The following ATAD2 variants were observed in gnomAD, a reference collection of about 807,000 sequenced individuals.
The protein encoded by ATAD2 is ATPase family AAA domain-containing protein 2.
In ATAD2, 62 loss-of-function variants were observed where a neutral mutation model predicts 168.9. The ratio of observed to expected loss-of-function variants is 0.37; its 90% CI spans 0.30 to 0.45. ATAD2 has a LOEUF of 0.45. Among genes scored for constraint, ATAD2 ranks in the 20% least tolerant of loss-of-function variants. The probability of loss-of-function intolerance (pLI) is 1.00; values close to 1 mark genes in which losing one functional copy is unlikely to be tolerated. For synonymous variants in ATAD2, 613 were observed against 571.6 expected (o/e 1.07, Z -1.03); for missense variants, 1,419 against 1,667.8 (o/e 0.85, Z 2.60).
chr8:123,343,892 T>TA (rs1331276647), intron 19 of ATAD2, among the ~76,000 whole-genome samples: 1 of 152,032 alleles, frequency 6.6e-6, no homozygotes, highest in East Asian at 1.9e-4. Flanking sequence ...TTGAGAAAAA[T>TA]AAAAAATGAT....
intron 3 of ATAD2, among the ~76,000 whole-genome samples, chr8:123,372,137 GT>G (rs1170296115): frequency 1.3e-5 from 2 of 152,084 alleles, no homozygotes; most frequent in East Asian, 3.8e-4. Context: ...CCATCAAAAG[GT>G]GAAGAGATAA....
chr8:123,337,689 A>C lies in ATAD2; in HGVS notation c.2987T>G (p.Val996Gly). ...FRELRIFLRN[V>G]THRLAIDKRF... ...CTTGTCAATAGCAAGCCTATGTGTA[A>C]CATTTCTTAAGAAAATCCTCAGTTC... Residue 996 changes from valine (V) to glycine (G), a missense_variant, in exon 21 of 28, where the codon GTT becomes GGT. This residue lies in a region of ATAD2 where 545 missense variants were observed against 724.9 expected (regional missense o/e 0.75). Coordinates refer to ENST00000287394, the MANE Select transcript of ATAD2 (RefSeq NM_014109.4). 6.2e-7 allele frequency: 1 copy of C among 1,613,836 alleles called. No individual in the cohort carries two copies. Among genetic ancestry groups the C allele is most frequent in the Non-Finnish European group, 8.5e-7 (1 of 1,179,900 alleles).
chr8:123,336,357 A>C lies in ATAD2; in HGVS notation c.3211+16T>G. 1 of 1,564,510 alleles carries C rather than the reference A, an allele frequency of 6.4e-7. No homozygotes were observed. ...CCCCAACTCAACCCCCTGAAAAAAA[A>C]TTCACTAATGCTCACCTCCAGGATC... On this transcript the variant is annotated intron_variant, in intron 22 of 27. Transcript: ENST00000287394.
chr8:123,364,586 G>T (rs1217170488), intron 8 of ATAD2, among the ~76,000 whole-genome samples: 2 of 152,082 alleles, frequency 1.3e-5, no homozygotes, highest in African/African-American at 4.8e-5. Flanking sequence ...TATGATCAAG[G>T]AGGTTTCATA....
chr8:123,356,225 C>T (rs1488715626), intron 13 of ATAD2, 164 bp downstream of exon 13: 1 of 421,918 alleles, frequency 2.4e-6, no homozygotes, highest in Non-Finnish European at 4.2e-6. Context: ...CCACTGCAAC[C>T]ATCCACATTT....
chr8:123,370,132 C>T, intron 6 of ATAD2, 108 bp from the exon 7 acceptor site: 1 of 886,308 alleles, frequency 1.1e-6, no homozygotes, highest in Non-Finnish European at 1.7e-6. Flanking sequence ...AACTTATCTA[C>T]TCCTAAAAAA....
Position 123,325,921 on chromosome 8 carries a change from G to A in ATAD2, c.3974C>T (p.Ser1325Leu). 1 of 1,614,138 alleles carries A rather than the reference G, an allele frequency of 6.2e-7. No homozygotes were observed. The highest frequency in any genetic ancestry group is 8.5e-7 in the Non-Finnish European group (1 of 1,180,002). Residue 1325 changes from serine (S) to leucine (L), a missense_variant, in exon 26 of 28, where the codon TCA (serine) becomes TTA (leucine). Coordinates refer to ENST00000287394, the MANE Select transcript of ATAD2 (RefSeq NM_014109.4). ...ALAILSQPTP[S>L]LVVDHERLKN... ...TAATCGCTCATGATCCACAACAAGT[G>A]AGGGTGTAGGCTGAGAAAGAATTGC...
intron 26 of ATAD2, among the ~76,000 whole-genome samples, chr8:123,323,818 TTATTGCA>T (rs1362193379): frequency 1.7e-4 from 26 of 152,316 alleles, no homozygotes; most frequent in African/African-American, 5.8e-4. Context: ...AGGCCATTAT[TTATTGCA>T]TGCCTAATGG....
chr8:123,372,496 CT>C, intron 3 of ATAD2, 140 bp downstream of exon 3: 1 of 623,038 alleles, frequency 1.6e-6, no homozygotes, highest in Non-Finnish European at 2.5e-6. Flanking sequence ...GTGGTGATGG[CT>C]TCATGGCATA....
chr8:123,382,573 C>G (rs1332576078), intron 1 of ATAD2, among the ~76,000 whole-genome samples: 2 of 152,144 alleles, frequency 1.3e-5, no homozygotes, highest in Non-Finnish European at 2.9e-5. Flanking sequence ...AACTGATCAG[C>G]CTGAAAAGGC....
chr8:123,385,017 T>C (rs975495719), intron 1 of ATAD2, among the ~76,000 whole-genome samples: 2 of 152,250 alleles, frequency 1.3e-5, no homozygotes, highest in Admixed American at 6.5e-5. Flanking sequence ...AACTTGTTTA[T>C]ATTTTAATTG....
intron 8 of ATAD2, among the ~76,000 whole-genome samples, chr8:123,366,161 G>GA (rs1828970966): frequency 6.6e-6 from 1 of 152,078 alleles, no homozygotes; most frequent in Non-Finnish European, 1.5e-5. Context: ...ACAAACATAT[G>GA]AAAAAATGCT....
At chr8:123,382,771 G>C (rs776781360) in intron 1 of ATAD2, among the ~76,000 whole-genome samples, 2 of 152,210 alleles carry the variant, frequency 1.3e-5, no homozygotes, top group African/African-American at 2.4e-5. Context: ...TTCAACCATT[G>C]TGGAAGACAG....
chr8:123,374,473 T>C (rs1829247668), intron 2 of ATAD2, among the ~76,000 whole-genome samples: 2 of 152,222 alleles, frequency 1.3e-5, no homozygotes. Flanking sequence ...TGTAGGTCTA[T>C]ACATTTTATA....
At chr8:123,371,910 C>A in intron 3 of ATAD2, 75 bp from the exon 4 acceptor site, 2 of 1,301,936 alleles carry the variant, frequency 1.5e-6, no homozygotes, top group Non-Finnish European at 2.0e-6. Flanking sequence ...CTAAAATGAA[C>A]AATTGAAAAG....
At chr8:123,359,476 G>T in intron 10 of ATAD2, 101 bp downstream of exon 10, 1 of 1,304,104 alleles carries the variant, frequency 7.7e-7, no homozygotes, top group Non-Finnish European at 1.1e-6. Context: ...AAAGGTTAGA[G>T]TTTTGACTAA....
rs201920006 is a variant in ATAD2 at position 123,392,050 on chromosome 8, AC to A, written c.171+4136del. On this transcript the variant is annotated intron_variant, in intron 1 of 27. Coordinates refer to ENST00000287394, the MANE Select transcript of ATAD2 (RefSeq NM_014109.4). Reference sequence around the variant, plus strand: ...TGCTCAACCACCATATACCACAAATACGGGATTTATGGCAAATAGTCTCTGT... The same window carrying A: ...TGCTCAACCACCATATACCACAAATAGGGATTTATGGCAAATAGTCTCTGT... 4.1e-3 allele frequency among the ~76,000 whole-genome samples: 621 copies of A among 152,296 alleles called. 17 individuals carry two copies. The highest frequency in any genetic ancestry group is 0.027 in the Admixed American group (417 of 15,286).
At chr8:123,358,473 T>C (rs1296217185) in intron 11 of ATAD2, among the ~76,000 whole-genome samples, 1 of 151,692 alleles carries the variant, frequency 6.6e-6, no homozygotes, top group Non-Finnish European at 1.5e-5. Flanking sequence ...GCCTCCCGAG[T>C]AGCTGGGACA....
chr8:123,407,211 C>T (rs186310094), intron 1 of ATAD2, among the ~76,000 whole-genome samples: 5 of 152,286 alleles, frequency 3.3e-5, no homozygotes, highest in African/African-American at 9.6e-5. Flanking sequence ...ACCTGGCTGA[C>T]GCTTTGATTT....
Sources: gnomAD v4.1 joint callset for allele counts (sites outside exome capture counted in the v4.1 genomes callset) on GRCh38, gnomAD v4.1.1 for gene constraint, gnomAD v4.1.1 regional missense constraint, MANE v1.5 for transcripts, NCBI Gene and HGNC (gene_info 2026-07-23, HGNC 2026-07-21) for gene names.